The following IPO11 variants were observed in gnomAD, a reference collection of about 807,000 sequenced individuals.
IPO11 encodes the protein importin 11.
A neutral mutation model predicts 143.2 loss-of-function variants in IPO11; 66 were observed. That is an observed-to-expected ratio of 0.46 (90% CI 0.38 to 0.57). The LOEUF (loss-of-function observed/expected upper bound fraction) is 0.57. Ranked by LOEUF, IPO11 falls within the 20% of genes least tolerant of loss-of-function variation. IPO11 has a pLI of 0.00. For synonymous variants in IPO11, 385 were observed against 377.8 expected, an observed-to-expected ratio of 1.02 and a Z score of -0.22; for missense variants, 1,026 against 1,141.0, an observed-to-expected ratio of 0.90 and a Z score of 1.45.
At chr5:62,539,522 G>C (rs889647788) in intron 24 of IPO11, among the ~76,000 whole-genome samples, 5 of 152,102 alleles carry the variant, frequency 3.3e-5, no homozygotes, top group African/African-American at 1.2e-4. Context: ...TAGAGCAAGG[G>C]GTTTACTAAA....
At chr5:62,474,285 A>T in intron 7 of IPO11, 131 bp from the exon 8 acceptor site, 1 of 565,144 alleles carries the variant, frequency 1.8e-6, no homozygotes, top group Middle Eastern at 4.9e-4. Flanking sequence ...TGCTTAACTA[A>T]TTTTAACTTA....
At chr5:62,579,994 G>T (rs1259334174) in intron 27 of IPO11, 1 of 1,551,176 alleles carries the variant, frequency 6.4e-7, no homozygotes, top group Non-Finnish European at 8.7e-7. Flanking sequence ...TCGGATACTT[G>T]ATTTATCAAA....
At chr5:62,507,443 A>G (rs1051863360) in intron 19 of IPO11, among the ~76,000 whole-genome samples, 3 of 152,124 alleles carry the variant, frequency 2.0e-5, no homozygotes, top group Non-Finnish European at 4.4e-5. Flanking sequence ...GTTCATTGCA[A>G]CTGTTTTAAG....
intron 9 of IPO11, among the ~76,000 whole-genome samples, chr5:62,480,192 A>AG (rs1438254649): frequency 3.9e-5 from 6 of 152,182 alleles, no homozygotes; most frequent in African/African-American, 1.4e-4. Context: ...TTTATTCAAT[A>AG]GGAATCCTTT....
At chr5:62,614,485 TCTGCAGTAC>T (rs1263382063) in intron 29 of IPO11, among the ~76,000 whole-genome samples, 1 of 152,308 alleles carries the variant, frequency 6.6e-6, no homozygotes, top group African/African-American at 2.4e-5. Flanking sequence ...GTTGCTAAGT[TCTGCAGTAC>T]GTAGAACTGA....
chr5:62,442,917 T>C, intron 2 of IPO11, 66 bp from the exon 3 acceptor site: 1 of 834,626 alleles, frequency 1.2e-6, no homozygotes, highest in East Asian at 2.8e-5. Context: ...TACTTTATTG[T>C]GGGTACATTA....
intron 27 of IPO11, among the ~76,000 whole-genome samples, chr5:62,589,875 A>T (rs1744948360): frequency 6.6e-6 from 1 of 152,188 alleles, no homozygotes. Context: ...GCATTGCGGT[A>T]GGCTGACGGG....
intron 16 of IPO11, among the ~76,000 whole-genome samples, chr5:62,499,287 C>T (rs2112251947): frequency 6.6e-6 from 1 of 152,258 alleles, no homozygotes; most frequent in East Asian, 1.9e-4. Context: ...GCAGTTGTAA[C>T]ATGATGGTAA....
chr5:62,481,889 A>C (rs1471834042), intron 9 of IPO11, among the ~76,000 whole-genome samples: 1 of 152,224 alleles, frequency 6.6e-6, no homozygotes, highest in East Asian at 1.9e-4. Flanking sequence ...TGTACCTCTG[A>C]TAGAATTCGG....
chr5:62,516,856 A>G (rs563852129), intron 20 of IPO11, among the ~76,000 whole-genome samples: 2 of 151,912 alleles, frequency 1.3e-5, no homozygotes, highest in Non-Finnish European at 2.9e-5. Context: ...AACTGAAGCT[A>G]TATCATTAAA....
chr5:62,560,228 A>G (rs552472647), intron 26 of IPO11, among the ~76,000 whole-genome samples: 1 of 152,300 alleles, frequency 6.6e-6, no homozygotes, highest in South Asian at 2.1e-4. Context: ...ATCAGAAGCC[A>G]TCATATTGGA....
At position 62,522,975 on chromosome 5, in the gene IPO11, G is replaced by A. The variant is rs28409106; in HGVS notation, c.1897-3167G>A. On this transcript the variant is annotated intron_variant, in intron 20 of 29. Coordinates refer to ENST00000325324, the MANE Select transcript of IPO11 (RefSeq NM_016338.5). ...CCCCTAAATGCAGGCATGCATATGC[G>A]CACACAGTTGTGCACACACACACAC... is the stretch of plus-strand genomic sequence containing the variant. Among the ~76,000 whole-genome samples, 1,425 of 152,186 alleles carry A rather than the reference G, an allele frequency of 9.4e-3. 20 individuals are homozygous for A. Among genetic ancestry groups the A allele is most frequent in the African/African-American group, 0.032 (1,328 of 41,516 alleles).
At chr5:62,431,587 A>T (rs1394858114) in intron 1 of IPO11, among the ~76,000 whole-genome samples, 1 of 152,046 alleles carries the variant, frequency 6.6e-6, no homozygotes, top group Non-Finnish European at 1.5e-5. Context: ...GTCTACCCCC[A>T]CCAGGCTAAA....
intron 1 of IPO11, among the ~76,000 whole-genome samples, chr5:62,435,710 G>A (rs1744202288): frequency 1.3e-5 from 2 of 151,180 alleles, no homozygotes; most frequent in Non-Finnish European, 2.9e-5. Context: ...GGGCAACAGA[G>A]CAAGACTCTG....
At chr5:62,413,359 A>G (rs1743183721) in intron 1 of IPO11, 1 of 152,208 alleles carries the variant, frequency 6.6e-6, no homozygotes, top group South Asian at 2.1e-4. Context: ...CAATAGTGTG[A>G]TAGCTTTAAA....
chr5:62,441,851 C>CT (rs35792043), intron 2 of IPO11, among the ~76,000 whole-genome samples: 124 of 143,166 alleles, frequency 8.7e-4, no homozygotes, highest in Non-Finnish European at 8.6e-4. Context: ...TGCTATCAAA[C>CT]TTTTTTTTTT....
intron 5 of IPO11, among the ~76,000 whole-genome samples, chr5:62,463,620 G>A (rs1196515933): frequency 2.6e-5 from 4 of 151,420 alleles, no homozygotes; most frequent in Admixed American, 6.6e-5. Context: ...GCAGTGAGCC[G>A]TGATTGCGCC....
chr5:62,417,810 T>C (rs1355592160), intron 1 of IPO11, among the ~76,000 whole-genome samples: 1 of 152,230 alleles, frequency 6.6e-6, no homozygotes, highest in Non-Finnish European at 1.5e-5. Flanking sequence ...TTGACATTCA[T>C]GTCAAAAACG....
chr5:62,618,919 A>G (rs965528229), intron 29 of IPO11, among the ~76,000 whole-genome samples: 16 of 151,510 alleles, frequency 1.1e-4, no homozygotes, highest in Admixed American at 8.5e-4. Flanking sequence ...TTTTTTATGT[A>G]GTTTAATTCA....
Sources: allele counts gnomAD v4.1 joint callset (sites outside exome capture counted in the v4.1 genomes callset), GRCh38; gene constraint gnomAD v4.1.1; transcripts MANE v1.5; gene names NCBI Gene and HGNC (gene_info 2026-07-23, HGNC 2026-07-21).